Variants in PSMB3 observed in about 807,000 individuals in gnomAD.
The protein encoded by PSMB3 is proteasome subunit beta type-3.
In PSMB3, 5 loss-of-function variants were observed where a neutral mutation model predicts 23.3. That is an observed-to-expected ratio of 0.21 (90% CI 0.11 to 0.45). The LOEUF is 0.45. PSMB3 is among the 20% of genes least tolerant of loss of function. PSMB3 has a pLI of 0.99. For missense variants in PSMB3, 192 were observed against 277.9 expected, an observed-to-expected ratio of 0.69 and a Z score of 2.20; for synonymous variants, 85 against 99.8, an observed-to-expected ratio of 0.85 and a Z score of 0.88.
intron 3 of PSMB3, among the ~76,000 whole-genome samples, chr17:38,759,640 G>A (rs1258222409): frequency 2.0e-5 from 3 of 151,892 alleles, no homozygotes; most frequent in Non-Finnish European, 4.4e-5. Context: ...CGCCTCCCGG[G>A]TTCATGCCAT....
chr17:38,753,978 T>G (rs946252674), intron 2 of PSMB3, among the ~76,000 whole-genome samples: 2 of 152,100 alleles, frequency 1.3e-5, no homozygotes, highest in African/African-American at 4.8e-5. Context: ...GAACGTTACA[T>G]TTAGCAGTGA....
At position 38,753,353 on chromosome 17, in the gene PSMB3, C is replaced by A. The variant is rs1908020558; in HGVS notation, c.188+19C>A. The A allele has an allele frequency of 1.9e-6, 3 of 1,608,056 alleles. No individual in the cohort carries two copies. The highest frequency in any genetic ancestry group is 2.5e-6 in the Non-Finnish European group (3 of 1,176,712). Reference sequence around the variant, plus strand: ...AGACAGTGTAAGTTTCAAGGGTCCCCGCCCACACCCAGGCCTCTTCTTGGA... The same window carrying A: ...AGACAGTGTAAGTTTCAAGGGTCCCAGCCCACACCCAGGCCTCTTCTTGGA... On this transcript the variant is annotated intron_variant, in intron 2 of 5. Transcript: ENST00000619426.
chr17:38,755,889 G>A lies in PSMB3; in HGVS notation c.195G>A (p.Gln65=), dbSNP rs747772625. 13 of 1,613,792 alleles carry A rather than the reference G, an allele frequency of 8.1e-6. No individual in the cohort carries two copies. The Admixed American group carries it at 1.2e-4, about 14-fold the overall frequency. The change falls in exon 3 of 6, where the codon CAG becomes CAA. Residue 65 remains glutamine (Q), a synonymous_variant. Transcript: ENST00000619426. ...GLATDVQTVA[Q]RLKFRLNLYE... ...CACTTTTCTCCTACCTCAGTGCCCA[G>A]CGCCTCAAGTTCCGGCTGAACCTGT...
At chr17:38,753,663 G>C (rs59653852) in intron 2 of PSMB3, among the ~76,000 whole-genome samples, 9 of 152,084 alleles carry the variant, frequency 5.9e-5, no homozygotes, top group African/African-American at 2.2e-4. Flanking sequence ...ATTTTTAGTA[G>C]AGACAGGGTT....
At chr17:38,758,527 G>T (rs1908305740) in intron 3 of PSMB3, among the ~76,000 whole-genome samples, 1 of 151,976 alleles carries the variant, frequency 6.6e-6, no homozygotes, top group Non-Finnish European at 1.5e-5. Flanking sequence ...TTTTTGTAGA[G>T]ACAGGGGTCT....
intron 3 of PSMB3, among the ~76,000 whole-genome samples, chr17:38,758,915 G>A (rs555981140): frequency 7.2e-5 from 11 of 152,220 alleles, no homozygotes; most frequent in South Asian, 4.1e-4. Context: ...GCATGGTGGC[G>A]GGCACCTGTA....
Position 38,762,461 on chromosome 17 carries a change from G to C in PSMB3, c.525G>C (p.Val175=), listed in dbSNP as rs1306711124. Residue 175 remains valine (V), a synonymous_variant, in exon 5 of 6, where the codon GTG becomes GTC. Coordinates refer to ENST00000619426, the MANE Select transcript of PSMB3 (RefSeq NM_002795.4). ...TCTCCCAAGCCATGCTGAATGCTGT[G>C]GACCGGGATGCAGTGTCAGGCATGG... ...ETISQAMLNA[V]DRDAVSGMGV... is the part of the protein sequence containing the mutation. The C allele has an allele frequency of 4.3e-6, 7 of 1,614,074 alleles. No individual in the cohort carries two copies. Among genetic ancestry groups the C allele is most frequent in the Non-Finnish European group, 5.9e-6 (7 of 1,180,042 alleles).
chr17:38,755,003 CT>C (rs35692048), intron 2 of PSMB3, among the ~76,000 whole-genome samples: 2,545 of 144,640 alleles, frequency 0.018, 19 homozygotes, highest in African/African-American at 0.027. Context: ...GTGCTGCCCC[CT>C]TTTTTTTTTT....
intron 2 of PSMB3, among the ~76,000 whole-genome samples, chr17:38,755,680 A>ATGTG (rs1368083790): frequency 1.2e-4 from 12 of 103,522 alleles, no homozygotes; most frequent in African/African-American, 3.2e-4. Flanking sequence ...ATATATATAT[A>ATGTG]TATGTGTGTG....
intron 2 of PSMB3, among the ~76,000 whole-genome samples, chr17:38,753,607 T>A (rs2143208104): frequency 6.6e-6 from 1 of 152,064 alleles, no homozygotes; most frequent in South Asian, 2.1e-4. Context: ...GCCTCCTAAG[T>A]AGCTGGGACT....
rs1014476121 is a variant in PSMB3, at chr17:38,752,833, A to C, written c.3+4A>C. ...ATCCTAGTACACCGCAATCATGGTG[A>C]GATGGGGAGTTAAAGCAAAGGGGCA... On this transcript the variant is annotated splice_donor_region_variant and intron_variant, in intron 1 of 5. Coordinates refer to ENST00000619426, the MANE Select transcript of PSMB3 (RefSeq NM_002795.4). This position sits in a 1 kb window ranked among gnomAD's most constrained non-coding sequence, Gnocchi z 5.5. 5 of 1,613,942 alleles carry C rather than the reference A, an allele frequency of 3.1e-6. No homozygotes were observed. The East Asian group carries it at 1.1e-4, about 36-fold the overall frequency.
chr17:38,755,713 T>TGC (rs59619796), intron 2 of PSMB3, among the ~76,000 whole-genome samples, 170 bp from the exon 3 acceptor site: 21,223 of 115,540 alleles, frequency 0.18, 2,007 homozygotes, highest in East Asian at 0.37. Context: ...TGTGTGTGTG[T>TGC]GTGCTGCCAA....
chr17:38,761,821 C>A (rs1908455401), intron 4 of PSMB3, among the ~76,000 whole-genome samples: 1 of 152,158 alleles, frequency 6.6e-6, no homozygotes, highest in African/African-American at 2.4e-5. Flanking sequence ...CAGGCTGTTA[C>A]CGCCTGCAGG....
intron 5 of PSMB3, 146 bp from the exon 6 acceptor site, chr17:38,763,973 T>C: frequency 2.6e-6 from 2 of 781,424 alleles, no homozygotes; most frequent in Non-Finnish European, 2.1e-6. Context: ...TAGAGCAGGA[T>C]AGTTACACCT....
At chr17:38,763,549 T>C (rs1318543235) in intron 5 of PSMB3, among the ~76,000 whole-genome samples, 2 of 131,030 alleles carry the variant, frequency 1.5e-5, no homozygotes, top group Non-Finnish European at 3.1e-5. Flanking sequence ...TCGCCCAGGC[T>C]GGAGTGCAAT....
chr17:38,762,341 A>G, intron 4 of PSMB3, 70 bp from the exon 5 acceptor site: 1 of 1,306,424 alleles, frequency 7.7e-7, no homozygotes, highest in Non-Finnish European at 1.1e-6. Context: ...CCTAGAAAAA[A>G]GAGAGTTAAG....
At chr17:38,753,002 A>C (rs1908000847) in intron 1 of PSMB3, 148 bp from the exon 2 acceptor site, 28 of 1,239,456 alleles carry the variant, frequency 2.3e-5, no homozygotes, top group Non-Finnish European at 3.0e-5. Flanking sequence ...TTGCCGCCAC[A>C]CAGTGCTCAT....
intron 3 of PSMB3, among the ~76,000 whole-genome samples, chr17:38,758,697 T>G (rs1336253516): frequency 2.0e-5 from 3 of 152,180 alleles, no homozygotes; most frequent in Admixed American, 2.0e-4. Flanking sequence ...ACTGTGCGTG[T>G]GTATGTGTGT....
At chr17:38,760,179 G>C (rs1908373486) in intron 3 of PSMB3, among the ~76,000 whole-genome samples, 1 of 152,168 alleles carries the variant, frequency 6.6e-6, no homozygotes, top group Non-Finnish European at 1.5e-5. Context: ...GAAAGAAGGA[G>C]CACAAGAGGG....
Sources: gnomAD v4.1 joint callset for allele counts (sites outside exome capture counted in the v4.1 genomes callset) on GRCh38, gnomAD v4.1.1 for gene constraint, Gnocchi (gnomAD v3.1) non-coding constraint, MANE v1.5 for transcripts, NCBI Gene and HGNC (gene_info 2026-07-23, HGNC 2026-07-21) for gene names.